Variants in C8orf34 observed in about 807,000 individuals in gnomAD.
C8orf34 encodes chromosome 8 open reading frame 34.
C8orf34 carries 65 observed loss-of-function variants against 68.3 expected under a neutral mutation model. The ratio of observed to expected loss-of-function variants is 0.95; its 90% CI spans 0.78 to 1.17. C8orf34 has a LOEUF of 1.17. Ranked by LOEUF, C8orf34 falls within the 50% of genes most tolerant of loss-of-function variation. C8orf34 has a pLI of 0.00. For missense variants in C8orf34, 664 were observed against 655.4 expected (o/e 1.01, Z -0.14); for synonymous variants, 244 against 241.2 (o/e 1.01, Z -0.11).
intron 9 of C8orf34, among the ~76,000 whole-genome samples, chr8:68,715,868 A>G (rs1170333858): frequency 6.6e-6 from 1 of 152,244 alleles, no homozygotes; most frequent in Non-Finnish European, 1.5e-5. Flanking sequence ...TTGCACATAA[A>G]TGTTTATAAC....
intron 5 of C8orf34, among the ~76,000 whole-genome samples, chr8:68,520,981 A>C (rs1331024062): frequency 6.6e-6 from 1 of 152,200 alleles, no homozygotes; most frequent in East Asian, 1.9e-4. Flanking sequence ...GGCACTATTA[A>C]ATTTTGATTT....
intron 8 of C8orf34, among the ~76,000 whole-genome samples, chr8:68,655,274 A>G (rs1819479491): frequency 1.3e-5 from 2 of 152,242 alleles, no homozygotes; most frequent in Non-Finnish European, 2.9e-5. Context: ...ATTCGGTAAT[A>G]GCTGTACCAG....
intron 7 of C8orf34, among the ~76,000 whole-genome samples, chr8:68,575,057 A>C (rs987325425): frequency 1.3e-5 from 2 of 151,978 alleles, no homozygotes; most frequent in East Asian, 3.9e-4. Flanking sequence ...AAGTTTATAT[A>C]AAATATAAAC....
chr8:68,371,379 G>A (rs1807553404), intron 1 of C8orf34, among the ~76,000 whole-genome samples: 1 of 152,048 alleles, frequency 6.6e-6, no homozygotes, highest in Non-Finnish European at 1.5e-5. Flanking sequence ...AGCATAATTT[G>A]AATTCACAAA....
rs373247841 is a variant in C8orf34 at position 68,815,956 on chromosome 8, T to C, written c.1609+11T>C. ...CGCTGGTCTACTCTGGTATGTTTGCTCAGGGCACTTAATATCGATGTCGGG... is the reference window on the plus strand; with the variant it reads ...CGCTGGTCTACTCTGGTATGTTTGCCCAGGGCACTTAATATCGATGTCGGG... On this transcript the variant is annotated intron_variant, in intron 13 of 13. Coordinates refer to ENST00000518698, the MANE Select transcript of C8orf34 (RefSeq NM_052958.4). 2 of 1,613,636 alleles carry C rather than the reference T, an allele frequency of 1.2e-6. No homozygotes were observed. Among genetic ancestry groups the C allele is most frequent in the African/African-American group, 2.7e-5 (2 of 74,910 alleles).
At chr8:68,504,759 A>ATTCAAGAGTGG (rs1813932922) in intron 5 of C8orf34, among the ~76,000 whole-genome samples, 2 of 150,696 alleles carry the variant, frequency 1.3e-5, no homozygotes, top group Non-Finnish European at 2.9e-5. Context: ...AGCTCACTGC[A>ATTCAAGAGTGG]ACCTCCACCT....
intron 10 of C8orf34, among the ~76,000 whole-genome samples, chr8:68,760,047 C>G (rs1392434591): frequency 6.6e-6 from 1 of 152,176 alleles, no homozygotes; most frequent in Admixed American, 6.5e-5. Context: ...GGCAGAGGCA[C>G]ACAAAGTAGG....
At chr8:68,471,925 A>AACACAC (rs10596354) in intron 4 of C8orf34, among the ~76,000 whole-genome samples, 2,174 of 147,418 alleles carry the variant, frequency 0.015, 22 homozygotes, top group East Asian at 0.023. Flanking sequence ...GACTTAAATG[A>AACACAC]ACACACACAC....
chr8:68,787,763 G>A (rs1823886254), intron 12 of C8orf34: 1 of 305,676 alleles, frequency 3.3e-6, no homozygotes, highest in African/African-American at 2.1e-5. Flanking sequence ...GAAAAAAAAA[G>A]CAATTCTTTC....
intron 3 of C8orf34, among the ~76,000 whole-genome samples, chr8:68,458,444 G>A (rs1282529608): frequency 2.0e-5 from 3 of 151,596 alleles, no homozygotes; most frequent in Non-Finnish European, 2.9e-5. Flanking sequence ...ATATTGACTA[G>A]AATTTAAAAA....
At chr8:68,650,460 G>GGCC (rs1455512594) in intron 8 of C8orf34, among the ~76,000 whole-genome samples, 1 of 151,542 alleles carries the variant, frequency 6.6e-6, no homozygotes, top group Non-Finnish European at 1.5e-5. Flanking sequence ...GGAAAAGGCT[G>GGCC]GCCGCCCCAC....
At chr8:68,695,559 T>C (rs768888198) in intron 8 of C8orf34, 2 of 152,162 alleles carry the variant, frequency 1.3e-5, no homozygotes, top group Non-Finnish European at 2.9e-5. Context: ...TCTGGGCTAC[T>C]GAAATACAGA....
intron 1 of C8orf34, among the ~76,000 whole-genome samples, chr8:68,337,239 G>GCAGACA (rs1340177441): frequency 6.6e-6 from 1 of 152,092 alleles, no homozygotes; most frequent in African/African-American, 2.4e-5. Context: ...AAGAAACCTG[G>GCAGACA]CAGACACTAC....
Position 68,710,263 on chromosome 8 carries a change from C to T in C8orf34, c.1327+1184C>T, listed in dbSNP as rs183739010. 5.8e-4 allele frequency among the ~76,000 whole-genome samples: 88 copies of T among 152,234 alleles called. 3 individuals are homozygous for T. The East Asian group carries it at 0.016, about 27-fold the overall frequency. On this transcript the variant is annotated intron_variant, in intron 9 of 13. Coordinates refer to ENST00000518698, the MANE Select transcript of C8orf34 (RefSeq NM_052958.4). ...AGACTATTTGAAGGAAATGGATCAC[C>T]GCTGCAGGCTCCCTGAGATGCGAAA...
chr8:68,588,491 T>C (rs1817273810), intron 7 of C8orf34, among the ~76,000 whole-genome samples: 1 of 152,108 alleles, frequency 6.6e-6, no homozygotes, highest in Non-Finnish European at 1.5e-5. Context: ...TTTAATGTCA[T>C]GGAGATGTAG....
chr8:68,346,411 A>G (rs1358190198), intron 1 of C8orf34, among the ~76,000 whole-genome samples: 1 of 152,042 alleles, frequency 6.6e-6, no homozygotes, highest in South Asian at 2.1e-4. Flanking sequence ...ACCAGAGTGT[A>G]ACATTTATTA....
chr8:68,804,589 T>C (rs1423245235), intron 12 of C8orf34, among the ~76,000 whole-genome samples: 1 of 152,038 alleles, frequency 6.6e-6, no homozygotes, highest in Non-Finnish European at 1.5e-5. Context: ...GAGACCAGCC[T>C]GGGCAACATG....
intron 12 of C8orf34, among the ~76,000 whole-genome samples, chr8:68,809,722 T>G (rs1279243680): frequency 6.6e-6 from 1 of 152,196 alleles, no homozygotes; most frequent in East Asian, 1.9e-4. Flanking sequence ...ACTTCAGACT[T>G]AAGTGAAGAA....
intron 7 of C8orf34, among the ~76,000 whole-genome samples, chr8:68,549,075 A>C (rs1357836374): frequency 6.6e-6 from 1 of 151,816 alleles, no homozygotes; most frequent in Non-Finnish European, 1.5e-5. Flanking sequence ...TCATGCACAC[A>C]TAGAGATAAA....
Sources: gnomAD v4.1 joint callset for allele counts (sites outside exome capture counted in the v4.1 genomes callset) on GRCh38, gnomAD v4.1.1 for gene constraint, MANE v1.5 for transcripts, NCBI Gene and HGNC (gene_info 2026-07-23, HGNC 2026-07-21) for gene names.